The following EPAS1 variants were observed in gnomAD, a reference collection of about 807,000 sequenced individuals.
EPAS1 encodes the protein endothelial PAS domain-containing protein 1.
EPAS1 carries 23 observed loss-of-function variants against 87.9 expected under a neutral mutation model. That is an observed-to-expected ratio of 0.26 (90% CI 0.19 to 0.37). The LOEUF is 0.37. Among genes scored for constraint, EPAS1 ranks in the 10% least tolerant of loss-of-function variants. The pLI is 1.00. For missense variants in EPAS1, 1,138 were observed against 1,120.7 expected, an observed-to-expected ratio of 1.02 and a Z score of -0.22; for synonymous variants, 508 against 444.3, an observed-to-expected ratio of 1.14 and a Z score of -1.80.
rs1684861667 is a variant in EPAS1 at position 46,380,480 on chromosome 2, C to A, written c.1808C>A (p.Pro603His). The change falls in exon 12 of 16, where the codon CCC (proline) becomes CAC (histidine). Residue 603 changes from proline (P) to histidine (H), a missense_variant. This residue lies in a region of EPAS1 where 502 missense variants were observed against 427.1 expected (regional missense o/e 1.18). Coordinates refer to ENST00000263734, the MANE Select transcript of EPAS1 (RefSeq NM_001430.5). The surrounding 1 kb of genome is among the most constrained non-coding windows in gnomAD (Gnocchi z 4.4). ...AAGAAGACAGAGCCCGAGCACCGGC[C>A]CATGTCCTCCATCTTCTTTGATGCC... The part of the protein sequence containing the change: ...ESKKTEPEHR[P>H]MSSIFFDAGS... 1 of 1,614,056 alleles carries A rather than the reference C, an allele frequency of 6.2e-7. No individual in the cohort carries two copies. Among genetic ancestry groups the A allele is most frequent in the African/African-American group, 1.3e-5 (1 of 74,924 alleles).
chr2:46,301,988 G>C (rs1375082753), intron 1 of EPAS1, among the ~76,000 whole-genome samples: 7 of 152,104 alleles, frequency 4.6e-5, no homozygotes, highest in Admixed American at 2.6e-4. Context: ...GGAGCAGATT[G>C]CTTTTTGAGG....
rs1439120697 is a variant in EPAS1, at chr2:46,308,524, T to C, written c.26+10587T>C. On this transcript the variant is annotated intron_variant, in intron 1 of 15. Transcript: ENST00000263734. ...AAAAATAATAGAATTGCTTTGTTCA[T>C]GTCCCTTGGGTTACTTGGAAAGCCT... is the stretch of plus-strand genomic sequence containing the variant. Among the ~76,000 whole-genome samples, 6 of 151,918 alleles carry C rather than the reference T, an allele frequency of 3.9e-5. No individual in the cohort carries two copies. The East Asian group carries it at 9.7e-4, about 24-fold the overall frequency.
rs1295267550 is a variant in EPAS1 at position 46,380,579 on chromosome 2, A to G, written c.1907A>G (p.Asn636Ser). 6.2e-7 allele frequency: 1 copy of G among 1,614,018 alleles called. No homozygotes were observed. Among genetic ancestry groups the G allele is most frequent in the Non-Finnish European group, 8.5e-7 (1 of 1,179,984 alleles). Residue 636 changes from asparagine (N) to serine (S), a missense_variant, in exon 12 of 16, where the codon AAT becomes AGT. This residue lies in a region of EPAS1 where 502 missense variants were observed against 427.1 expected (regional missense o/e 1.18). Transcript: ENST00000263734. This position sits in a 1 kb window ranked among gnomAD's most constrained non-coding sequence, Gnocchi z 4.4. ...TPLSSMGGRS[N>S]TQWPPDPPLH... ...CTCTCTTCCATGGGGGGCAGATCCAATACCCAGTGGCCCCCAGATCCACCA... is the reference window on the plus strand; with the variant it reads ...CTCTCTTCCATGGGGGGCAGATCCAGTACCCAGTGGCCCCCAGATCCACCA...
chr2:46,302,444 A>C (rs1683027542), intron 1 of EPAS1, among the ~76,000 whole-genome samples: 1 of 151,900 alleles, frequency 6.6e-6, no homozygotes, highest in Admixed American at 6.6e-5. Context: ...TTTTGCTTTC[A>C]GTACTAACCA....
At chr2:46,321,615 G>A (rs556683726) in intron 1 of EPAS1, among the ~76,000 whole-genome samples, 1 of 152,072 alleles carries the variant, frequency 6.6e-6, no homozygotes, top group East Asian at 1.9e-4. Flanking sequence ...TCTCATTGTG[G>A]CTTTGATTTA....
At chr2:46,302,118 CTGTG>C (rs35880089) in intron 1 of EPAS1, among the ~76,000 whole-genome samples, 103 of 127,538 alleles carry the variant, frequency 8.1e-4, no homozygotes, top group East Asian at 2.0e-3. Flanking sequence ...CTCTTTCTCT[CTGTG>C]TGTGTGTGTG....
rs116955309 is a variant in EPAS1, at chr2:46,298,871, A to C, written c.26+934A>C. Among the ~76,000 whole-genome samples, 14 of 152,276 alleles carry C rather than the reference A, an allele frequency of 9.2e-5. No individual in the cohort carries two copies. In the East Asian group the frequency reaches 2.5e-3, roughly 27 times the overall value. On this transcript the variant is annotated intron_variant, in intron 1 of 15. Coordinates refer to ENST00000263734, the MANE Select transcript of EPAS1 (RefSeq NM_001430.5). ...AGCAGGCAGGGCCTCAACTTCTGCA[A>C]ATGTGTGCGGCTCGCCGCCTGTCCC... is the stretch of plus-strand genomic sequence containing the variant.
chr2:46,301,162 C>T (rs1682988265), intron 1 of EPAS1, among the ~76,000 whole-genome samples: 1 of 152,036 alleles, frequency 6.6e-6, no homozygotes, highest in African/African-American at 2.4e-5. Flanking sequence ...TATAGGGAGC[C>T]TAGAATTATT....
chr2:46,314,935 C>T (rs1251342935), intron 1 of EPAS1, among the ~76,000 whole-genome samples: 1 of 152,140 alleles, frequency 6.6e-6, no homozygotes, highest in Admixed American at 6.5e-5. Context: ...GTTGTGCTTG[C>T]AGGAGGGGTA....
At chr2:46,381,369 T>TC in intron 12 of EPAS1, 1 of 621,116 alleles carries the variant, frequency 1.6e-6, no homozygotes, top group Non-Finnish European at 2.8e-6. Flanking sequence ...CAGGCAGCCA[T>TC]CCCCCAGACC....
chr2:46,361,237 G>C, intron 6 of EPAS1, 147 bp downstream of exon 6: 1 of 899,772 alleles, frequency 1.1e-6, no homozygotes. Flanking sequence ...CTGTTTCATT[G>C]CATCAGTGCC....
intron 15 of EPAS1, 83 bp from the exon 16 acceptor site, chr2:46,384,426 G>C (rs1684964199): frequency 6.3e-7 from 1 of 1,587,462 alleles, no homozygotes; most frequent in African/African-American, 1.3e-5. Context: ...TGCTCTATTG[G>C]TATCCCCCAG....
intron 1 of EPAS1, among the ~76,000 whole-genome samples, chr2:46,303,052 G>A (rs1418577111): frequency 6.6e-6 from 1 of 152,146 alleles, no homozygotes; most frequent in Non-Finnish European, 1.5e-5. Flanking sequence ...CAGCGTGGGT[G>A]ACAGAGCGAG....
At chr2:46,344,144 G>C (rs1043050035) in intron 1 of EPAS1, among the ~76,000 whole-genome samples, 1 of 152,224 alleles carries the variant, frequency 6.6e-6, no homozygotes, top group African/African-American at 2.4e-5. Context: ...GTTAGGAAGA[G>C]TATAATGAAC....
At chr2:46,345,485 C>T (rs969594827) in intron 1 of EPAS1, among the ~76,000 whole-genome samples, 1 of 152,132 alleles carries the variant, frequency 6.6e-6, no homozygotes, top group Non-Finnish European at 1.5e-5. Context: ...TGGGGCCCAC[C>T]TTCCCAGTGC....
In EPAS1 at chr2:46,375,978, C is replaced by A; in HGVS notation, c.1034+141C>A. The A allele has an allele frequency of 8.8e-7, 1 of 1,137,148 alleles. No individual in the cohort carries two copies. Among genetic ancestry groups the A allele is most frequent in the African/African-American group, 1.5e-5 (1 of 65,870 alleles). 70.4% of individuals were successfully genotyped at this position (1,137,148 alleles called of 1,614,324 possible). ...CCTCAGGGAGGTCTTGCAGGGCTAA[C>A]CCTAGTGACTGAGAGGACTTCCTGT... On this transcript the variant is annotated intron_variant, in intron 8 of 15. Coordinates refer to ENST00000263734, the MANE Select transcript of EPAS1 (RefSeq NM_001430.5). This position sits in a 1 kb window ranked among gnomAD's most constrained non-coding sequence, Gnocchi z 4.1.
intron 1 of EPAS1, among the ~76,000 whole-genome samples, chr2:46,328,707 C>G (rs746738573): frequency 6.6e-6 from 1 of 152,158 alleles, no homozygotes; most frequent in Non-Finnish European, 1.5e-5. Flanking sequence ...CAGAACGTAC[C>G]TTCAGCAATC....
At position 46,297,639 on chromosome 2, in the gene EPAS1, C is replaced by T. The variant is rs1363709234; in HGVS notation, c.-273C>T. ...GAACTTGGGTTCCCTTCTCTCCGTC[C>T]TCTTTTCGGGTCTGACAGCCTCCAC... On this transcript the variant is annotated 5_prime_UTR_variant, in exon 1 of 16. Coordinates refer to ENST00000263734, the MANE Select transcript of EPAS1 (RefSeq NM_001430.5). The T allele has an allele frequency of 4.0e-6, 2 of 505,472 alleles. No homozygotes were observed. The highest frequency in any genetic ancestry group is 7.1e-6 in the Non-Finnish European group (2 of 282,774). The allele number at this position is 505,472 out of a possible 1,614,324, so 31.3% of individuals were successfully genotyped here. A position where few individuals can be genotyped will look rare whatever the true frequency, so the allele number is the denominator to read the frequency against.
chr2:46,380,240 A>G lies in EPAS1; in HGVS notation c.1568A>G (p.Glu523Gly). The G allele has an allele frequency of 6.2e-7, 1 of 1,612,134 alleles. No homozygotes were observed. Among genetic ancestry groups the G allele is most frequent in the South Asian group, 1.1e-5 (1 of 91,080 alleles). The part of the protein sequence containing the change: ...DQCSTQTDFN[E>G]LDLETLAPYI... ...GTCTCCCCTCAGACGGATTTCAATG[A>G]GCTGGACTTGGAGACACTGGCACCC... is the stretch of plus-strand genomic sequence containing the variant. The change falls in exon 12 of 16, where the codon GAG becomes GGG. Residue 523 changes from glutamate (E) to glycine (G), a missense_variant. Coordinates refer to ENST00000263734, the MANE Select transcript of EPAS1 (RefSeq NM_001430.5). This position sits in a 1 kb window ranked among gnomAD's most constrained non-coding sequence, Gnocchi z 4.4.
Sources: gnomAD v4.1 joint callset for allele counts (sites outside exome capture counted in the v4.1 genomes callset) on GRCh38, gnomAD v4.1.1 for gene constraint, gnomAD v4.1.1 regional missense constraint, Gnocchi (gnomAD v3.1) non-coding constraint, MANE v1.5 for transcripts, NCBI Gene and HGNC (gene_info 2026-07-23, HGNC 2026-07-21) for gene names.